RSPH14: variants seen among roughly 807,000 people sequenced by gnomAD.
RSPH14 encodes rhabdoid tumor deletion region gene 1.
Under a neutral mutation model 26.7 loss-of-function variants are expected in RSPH14, and 20 were observed. The observed-to-expected ratio is 0.75, with a 90% confidence interval of 0.53 to 1.09. RSPH14 has a LOEUF of 1.09. RSPH14 is among the 50% of genes least tolerant of loss of function. RSPH14 has a pLI of 0.00. For missense variants in RSPH14, 449 were observed against 457.2 expected (o/e 0.98, Z 0.16); for synonymous variants, 177 against 189.3 (o/e 0.93, Z 0.53).
intron 3 of RSPH14, among the ~76,000 whole-genome samples, chr22:23,136,934 G>C (rs1430050255): frequency 1.4e-5 from 2 of 138,920 alleles, no homozygotes; most frequent in African/African-American, 5.1e-5. Context: ...GAGCAGGAAA[G>C]AGTGGGCCCC....
chr22:23,115,075 G>A (rs1045326881), intron 4 of RSPH14, among the ~76,000 whole-genome samples: 14 of 152,170 alleles, frequency 9.2e-5, no homozygotes, highest in African/African-American at 3.4e-4. Context: ...TGGGCCAGCT[G>A]GCCTTGCTCT....
At chr22:23,121,720 CTTTTTTTTT>C (rs10598505) in intron 4 of RSPH14, among the ~76,000 whole-genome samples, 1 of 123,184 alleles carries the variant, frequency 8.1e-6, no homozygotes, top group Non-Finnish European at 1.7e-5. Context: ...AGAAAAGTTC[CTTTTTTTTT>C]TTTTTTTTTT....
In RSPH14 at chr22:23,134,032, G is replaced by C; in HGVS notation, c.415C>G (p.Pro139Ala). 6.2e-7 allele frequency: 1 copy of C among 1,613,176 alleles called. No individual in the cohort carries two copies. The highest frequency in any genetic ancestry group is 8.5e-7 in the Non-Finnish European group (1 of 1,179,282). ...YKAYMQLVQVPRGAQEIISKG... is the reference protein window; with the variant it reads ...YKAYMQLVQVARGAQEIISKG... ...GTGCAGGACGCAAGCCTACCTCTAG[G>C]CACCTGGACCAGCTGCATGTATGCC... Residue 139 changes from proline (P) to alanine (A), a missense_variant, in exon 4 of 7, where the codon CCT becomes GCT. Pro to Ala is a conservative substitution (Grantham distance 27). Transcript: ENST00000216036.
Position 23,140,251 on chromosome 22 carries a change from G to C in RSPH14, c.170C>G (p.Pro57Arg). The C allele has an allele frequency of 3.7e-6, 6 of 1,614,036 alleles. No homozygotes were observed. The highest frequency in any genetic ancestry group is 5.1e-6 in the Non-Finnish European group (6 of 1,180,014). Residue 57 changes from proline (P) to arginine (R), a missense_variant, in exon 2 of 7, where the codon CCC becomes CGC. Coordinates refer to ENST00000216036, the MANE Select transcript of RSPH14 (RefSeq NM_014433.3). ...GTTCATGGCCTTGTAGATACACTCG[G>C]GGTCATGCATGAGGTCACACAAGGC... Reference protein sequence around the residue: ...LMALCDLMHDPECIYKAMNIG... With the variant: ...LMALCDLMHDRECIYKAMNIG...
the RSPH14 span, chr22:23,158,788 T>C: frequency 7.1e-5 from 67 of 948,728 alleles, no homozygotes; most frequent in Non-Finnish European, 3.8e-5. Flanking sequence ...GCCCTCCTTG[T>C]CCCTCCCAGC....
chr22:23,130,516 G>GAAAGAAAGAA (rs1427066828), intron 4 of RSPH14, among the ~76,000 whole-genome samples: 1 of 149,976 alleles, frequency 6.7e-6, no homozygotes, highest in African/African-American at 2.5e-5. Flanking sequence ...AAGAAAGAAA[G>GAAAGAAAGAA]AAAGAAAGAA....
intron 4 of RSPH14, among the ~76,000 whole-genome samples, chr22:23,073,303 G>T (rs564844556): frequency 6.6e-6 from 1 of 152,220 alleles, no homozygotes; most frequent in Non-Finnish European, 1.5e-5. Flanking sequence ...AGCACAAAGC[G>T]AAATGAACAG....
rs775850631 is a variant in RSPH14, at chr22:23,059,491, C to T, written c.1018G>A (p.Ala340Thr). 3.8e-5 allele frequency: 61 copies of T among 1,611,946 alleles called. No individual in the cohort carries two copies. The highest frequency in any genetic ancestry group is 3.5e-4 in the Admixed American group (21 of 59,740). The change falls in exon 7 of 7, where the codon GCC (alanine) becomes ACC (threonine). Residue 340 changes from alanine to threonine, a missense_variant. Physicochemically the swap from Ala to Thr is moderately conservative, Grantham distance 58 (BLOSUM62 0). Transcript: ENST00000216036. ...AEALQRAARI[A>T]ISVIEFKP ...GGTTTGAACTCGATGACACTGATGG[C>T]GATCCGGGCTGCCCGCTGTAAGGCT...
At chr22:23,068,100 T>C (rs1333521581) in intron 4 of RSPH14, among the ~76,000 whole-genome samples, 1 of 152,250 alleles carries the variant, frequency 6.6e-6, no homozygotes, top group Non-Finnish European at 1.5e-5. Flanking sequence ...CTGGCATCTG[T>C]GCATGGGCAA....
At chr22:23,167,657 G>A in the RSPH14 span, among the ~76,000 whole-genome samples, 2 of 152,150 alleles carry the variant, frequency 1.3e-5, no homozygotes, top group Non-Finnish European at 2.9e-5. Flanking sequence ...ATGGACAGAG[G>A]ATCGGTTAAA....
chr22:23,076,780 GGTAGAGTGGCCT>G (rs1410771210), intron 4 of RSPH14, among the ~76,000 whole-genome samples: 1 of 152,252 alleles, frequency 6.6e-6, no homozygotes, highest in Non-Finnish European at 1.5e-5. Flanking sequence ...ACATGATGAT[GGTAGAGTGGCCT>G]TTCCAGGTGG....
At chr22:23,171,276 A>G in the RSPH14 span, among the ~76,000 whole-genome samples, 2 of 152,082 alleles carry the variant, frequency 1.3e-5, no homozygotes, top group East Asian at 1.9e-4. Flanking sequence ...TACACTTTCT[A>G]CCTGGGCAGG....
At chr22:23,102,119 G>T (rs761684401) in intron 4 of RSPH14, among the ~76,000 whole-genome samples, 37 of 152,208 alleles carry the variant, frequency 2.4e-4, no homozygotes, top group Non-Finnish European at 5.0e-4. Flanking sequence ...CCGGCTCCCC[G>T]CATCCAAGTT....
the RSPH14 span, chr22:23,152,509 G>A: frequency 6.2e-7 from 1 of 1,614,184 alleles, no homozygotes; most frequent in East Asian, 2.2e-5. Flanking sequence ...ACGTGGGGAA[G>A]ACCAGCCTCA....
chr22:23,110,419 C>G (rs1425115981), intron 4 of RSPH14, among the ~76,000 whole-genome samples: 1 of 152,216 alleles, frequency 6.6e-6, no homozygotes, highest in Non-Finnish European at 1.5e-5. Context: ...CCAGGAGGCC[C>G]ACCCCACCCA....
the RSPH14 span, chr22:23,160,950 G>T: frequency 6.2e-7 from 1 of 1,613,748 alleles, no homozygotes; most frequent in Admixed American, 1.7e-5. Flanking sequence ...GCAGGACCTG[G>T]AGAGGCAGAG....
intron 3 of RSPH14, 23 bp downstream of exon 3, chr22:23,138,817 T>C: frequency 6.5e-7 from 1 of 1,545,034 alleles, no homozygotes; most frequent in Non-Finnish European, 8.8e-7. Flanking sequence ...AGCGTCACAC[T>C]GGTTTCCAGA....
At chr22:23,152,064 C>T in the RSPH14 span, among the ~76,000 whole-genome samples, 2,785 of 152,320 alleles carry the variant, frequency 0.018, 93 homozygotes, top group African/African-American at 0.063. Flanking sequence ...TCTCCCTGCA[C>T]GTGGACCCTG....
chr22:23,130,210 C>CT (rs961919958), intron 4 of RSPH14, among the ~76,000 whole-genome samples: 1 of 149,104 alleles, frequency 6.7e-6, no homozygotes, highest in Non-Finnish European at 1.5e-5. Context: ...AATCCCAGCA[C>CT]TTTGGGAGGC....
Sources: allele counts gnomAD v4.1 joint callset (sites outside exome capture counted in the v4.1 genomes callset), GRCh38; gene constraint gnomAD v4.1.1; transcripts MANE v1.5; gene names NCBI Gene and HGNC (gene_info 2026-07-23, HGNC 2026-07-21).